SORL1: variants seen among roughly 807,000 people sequenced by gnomAD.
The protein encoded by SORL1 is sortilin related receptor 1.
Under a neutral mutation model 273.7 loss-of-function variants are expected in SORL1, and 127 were observed. That is an observed-to-expected ratio of 0.46 (90% CI 0.40 to 0.54). SORL1 has a LOEUF of 0.54. SORL1 is among the 20% of genes least tolerant of loss of function. The pLI is 0.00. For missense variants in SORL1, 2,494 were observed against 2,846.1 expected (o/e 0.88, Z 2.81); for synonymous variants, 1,031 against 1,067.4 (o/e 0.97, Z 0.66).
intron 11 of SORL1, among the ~76,000 whole-genome samples, chr11:121,530,016 C>G (rs1311375097): frequency 6.6e-6 from 1 of 152,120 alleles, no homozygotes; most frequent in Non-Finnish European, 1.5e-5. Context: ...CATATCTAAT[C>G]TTTTATAGTC....
intron 20 of SORL1, 58 bp downstream of exon 20, chr11:121,558,895 T>C: frequency 6.3e-7 from 1 of 1,596,702 alleles, no homozygotes; most frequent in Non-Finnish European, 8.6e-7. Flanking sequence ...GCATATGAGA[T>C]CAGGAGCCTG....
chr11:121,581,872 TGTGAGCAAGGTGTCG>T lies in SORL1; in HGVS notation c.3581-1580_3581-1566del, dbSNP rs556928686. 2.5e-3 allele frequency among the ~76,000 whole-genome samples: 374 copies of T among 152,322 alleles called. 2 individuals carry two copies. Among genetic ancestry groups the T allele is most frequent in the African/African-American group, 8.7e-3 (362 of 41,572 alleles). On this transcript the variant is annotated intron_variant, in intron 25 of 47. Coordinates refer to ENST00000260197, the MANE Select transcript of SORL1 (RefSeq NM_003105.6). ...TTTAGGCAACTTTATATTTTATGAA[TGTGAGCAAGGTGTCG>T]GTGAGGGATGTTTTGAAAGGCTGTC...
At position 121,550,459 on chromosome 11, in the gene SORL1, T is replaced by C. The variant is rs1862490484; in HGVS notation, c.2181-126T>C. 1.2e-6 allele frequency: 1 copy of C among 816,750 alleles called. No homozygotes were observed. Among genetic ancestry groups the C allele is most frequent in the Non-Finnish European group, 2.1e-6 (1 of 480,090 alleles). The allele number at this position is 816,750 out of a possible 1,614,324, so 50.6% of individuals were successfully genotyped here. A position where few individuals can be genotyped will look rare whatever the true frequency, so the allele number is the denominator to read the frequency against. ...CTCAGAACTACGAACATCCTCTTTCTAGTTCTAAAGAGAAATGAGTGGATG... is the reference window on the plus strand; with the variant it reads ...CTCAGAACTACGAACATCCTCTTTCCAGTTCTAAAGAGAAATGAGTGGATG... On this transcript the variant is annotated intron_variant, in intron 15 of 47. Coordinates refer to ENST00000260197, the MANE Select transcript of SORL1 (RefSeq NM_003105.6). The surrounding 1 kb of genome is among the most constrained non-coding windows in gnomAD (Gnocchi z 5.3).
intron 2 of SORL1, among the ~76,000 whole-genome samples, 165 bp downstream of exon 2, chr11:121,470,288 T>C (rs1209549366): frequency 6.6e-6 from 1 of 152,240 alleles, no homozygotes; most frequent in African/African-American, 2.4e-5. Flanking sequence ...CCTTGTTTGC[T>C]GAACACAGGG....
Position 121,605,469 on chromosome 11 carries a change from G to C in SORL1, c.4846G>C (p.Val1616Leu), listed in dbSNP as rs148412508. 3.2e-5 allele frequency: 52 copies of C among 1,614,008 alleles called. No homozygotes were observed. Among genetic ancestry groups the C allele is most frequent in the Middle Eastern group, 1.6e-4 (1 of 6,084 alleles). The change falls in exon 35 of 48, where the codon GTC (valine) becomes CTC (leucine). Residue 1616 changes from valine (V) to leucine (L), a missense_variant. Val to Leu is a conservative substitution (Grantham distance 32). Around this residue, in one of 3 missense-constraint regions of SORL1, gnomAD observed 1,609 missense variants for 1,816.4 expected, o/e 0.89. Coordinates refer to ENST00000260197, the MANE Select transcript of SORL1 (RefSeq NM_003105.6). ...CAATAAGACAAACACTGTATTAAAA[G>C]TCTTGAAACCAGATACCACGTATCA... ...HSNKTNTVLK[V>L]LKPDTTYQVK...
intron 16 of SORL1, among the ~76,000 whole-genome samples, chr11:121,552,214 T>C (rs1442326049): frequency 6.6e-6 from 1 of 152,162 alleles, no homozygotes; most frequent in Non-Finnish European, 1.5e-5. Context: ...ATGGGGGCCG[T>C]AATATCTTTG....
intron 3 of SORL1, among the ~76,000 whole-genome samples, chr11:121,483,981 A>G (rs904174333): frequency 2.6e-5 from 4 of 152,094 alleles, no homozygotes; most frequent in African/African-American, 4.8e-5. Context: ...GAAGGGCGTC[A>G]GCAGAGACTG....
chr11:121,604,165 G>A, intron 32 of SORL1, 28 bp from the exon 33 acceptor site: 1 of 1,612,466 alleles, frequency 6.2e-7, no homozygotes. Flanking sequence ...CCCTCCCCGT[G>A]GACTTAAGAA....
chr11:121,461,253 G>A (rs527432773), intron 1 of SORL1, among the ~76,000 whole-genome samples: 154 of 152,282 alleles, frequency 1.0e-3, no homozygotes, highest in African/African-American at 3.5e-3. Context: ...GTTGGTGGTG[G>A]TGGTGATGGG....
chr11:121,516,351 G>A (rs1027474406), intron 8 of SORL1, among the ~76,000 whole-genome samples: 9 of 152,294 alleles, frequency 5.9e-5, no homozygotes, highest in African/African-American at 2.2e-4. Flanking sequence ...TAGATGGGAC[G>A]AGGGGTACGA....
At chr11:121,481,090 C>T (rs1565308665) in intron 3 of SORL1, among the ~76,000 whole-genome samples, 2 of 128,980 alleles carry the variant, frequency 1.6e-5, no homozygotes, top group African/African-American at 6.5e-5. Flanking sequence ...ATCTCCTCCT[C>T]CCCAGCTCCT....
intron 12 of SORL1, among the ~76,000 whole-genome samples, chr11:121,534,579 T>G (rs1158732832): frequency 6.6e-6 from 1 of 152,234 alleles, no homozygotes; most frequent in African/African-American, 2.4e-5. Context: ...AAGCCTCCTA[T>G]TGACAGGTGC....
chr11:121,461,486 G>C (rs1031367081), intron 1 of SORL1, among the ~76,000 whole-genome samples: 7 of 152,188 alleles, frequency 4.6e-5, no homozygotes, highest in Middle Eastern at 3.2e-3. Context: ...CCAAGCCATG[G>C]GTTTAATGCA....
chr11:121,488,029 C>G lies in SORL1; in HGVS notation c.529-3C>G, dbSNP rs1861499988. The G allele has an allele frequency of 1.2e-6, 2 of 1,613,834 alleles. No individual in the cohort carries two copies. Among genetic ancestry groups the G allele is most frequent in the Non-Finnish European group, 1.7e-6 (2 of 1,179,886 alleles). On this transcript the variant is annotated splice_polypyrimidine_tract_variant and splice_region_variant and intron_variant, in intron 3 of 47. Transcript: ENST00000260197. ...CTCTCAACTTACCTGTTTTCCCTTGCAGTACATCTTTGCAGACGCTTATGC... is the reference window on the plus strand; with the variant it reads ...CTCTCAACTTACCTGTTTTCCCTTGGAGTACATCTTTGCAGACGCTTATGC...
In SORL1 at chr11:121,612,848, T is replaced by G. The variant is rs757321626; in HGVS notation, c.5419+16T>G. On this transcript the variant is annotated intron_variant, in intron 40 of 47. Coordinates refer to ENST00000260197, the MANE Select transcript of SORL1 (RefSeq NM_003105.6). The stretch of plus-strand genomic sequence containing the variant: ...TCACACAAAGGTAACACTTTGGTGC[T>G]GGTCAGTGTGTGTGCAGGAAGGGGT... 3.3e-5 allele frequency: 52 copies of G among 1,576,638 alleles called. No individual in the cohort carries two copies. The highest frequency in any genetic ancestry group is 4.5e-5 in the Non-Finnish European group (52 of 1,146,372).
In SORL1 at chr11:121,583,481, T is replaced by TG; in HGVS notation, c.3604_3605insG (p.Ser1202CysfsTer18). On this transcript the variant is annotated frameshift_variant, in exon 26 of 48. Transcript: ENST00000260197. LOFTEE classifies it high-confidence loss of function. ...AGCCATCTATCACACCTGTGAGGCC[T>TG]CCAACTTCCAGTGCCGAAACGGGCA... is the stretch of plus-strand genomic sequence containing the variant. 6.2e-7 allele frequency: 1 copy of TG among 1,613,058 alleles called. No individual in the cohort carries two copies. Among genetic ancestry groups the TG allele is most frequent in the Non-Finnish European group, 8.5e-7 (1 of 1,179,528 alleles).
At position 121,614,934 on chromosome 11, in the gene SORL1, A is replaced by C. The variant is rs762019056; in HGVS notation, c.5483A>C (p.Asp1828Ala). The C allele has an allele frequency of 6.2e-7, 1 of 1,613,440 alleles. No homozygotes were observed. The highest frequency in any genetic ancestry group is 8.5e-7 in the Non-Finnish European group (1 of 1,179,744). ...ISAWAKTDLG[D>A]SPLAFEHVMT... is the part of the protein sequence containing the mutation. ...GCCTGGGCCAAGACTGACTTGGGGG[A>C]TAGCCCTCTGGCATTTGAGCATGTT... Residue 1828 changes from aspartate to alanine, a missense_variant, in exon 41 of 48, where the codon GAT becomes GCT. Physicochemically the swap from Asp to Ala is moderately radical, Grantham distance 126. Transcript: ENST00000260197.
chr11:121,570,335 G>C, intron 23 of SORL1, 65 bp downstream of exon 23: 1 of 1,256,356 alleles, frequency 8.0e-7, no homozygotes, highest in Non-Finnish European at 1.2e-6. Flanking sequence ...GCTCTTCCCA[G>C]GCTGAGGGCC....
intron 17 of SORL1, 25 bp from the exon 18 acceptor site, chr11:121,555,162 T>G (rs896239497): frequency 2.5e-6 from 4 of 1,605,262 alleles, no homozygotes; most frequent in African/African-American, 1.3e-5. Context: ...GTTCCTAGCA[T>G]TTATTATTAC....
Sources: allele counts gnomAD v4.1 joint callset (sites outside exome capture counted in the v4.1 genomes callset), GRCh38; gene constraint gnomAD v4.1.1; regional missense constraint gnomAD v4.1.1; non-coding constraint Gnocchi (gnomAD v3.1); transcripts MANE v1.5; gene names NCBI Gene and HGNC (gene_info 2026-07-23, HGNC 2026-07-21).